The following ARHGAP22 variants were observed in gnomAD, a reference collection of about 807,000 sequenced individuals.
ARHGAP22 encodes the protein rho GTPase-activating protein 22.
A neutral mutation model predicts 59.1 loss-of-function variants in ARHGAP22; 48 were observed. The ratio of observed to expected loss-of-function variants is 0.81; its 90% CI spans 0.64 to 1.03. The LOEUF (loss-of-function observed/expected upper bound fraction) is 1.03. Ranked by LOEUF, ARHGAP22 falls within the 50% of genes least tolerant of loss-of-function variation. The pLI is 0.00. For synonymous variants in ARHGAP22, 445 were observed against 416.4 expected (o/e 1.07, Z -0.84); for missense variants, 1,015 against 958.7 (o/e 1.06, Z -0.78).
chr10:48,546,408 C>T (rs2056439357), intron 3 of ARHGAP22: 1 of 153,350 alleles, frequency 6.5e-6, no homozygotes, highest in Non-Finnish European at 1.5e-5. Context: ...GCACATGGAG[C>T]TTTTACTTGG....
chr10:48,549,491 G>A (rs1268316021), intron 3 of ARHGAP22, among the ~76,000 whole-genome samples: 1 of 152,076 alleles, frequency 6.6e-6, no homozygotes, highest in Non-Finnish European at 1.5e-5. Flanking sequence ...ATTGCTGGGG[G>A]CAGGGTGACC....
chr10:48,590,935 A>C (rs2059715079), intron 1 of ARHGAP22, among the ~76,000 whole-genome samples: 1 of 152,138 alleles, frequency 6.6e-6, no homozygotes, highest in South Asian at 2.1e-4. Flanking sequence ...GGCAGTGAAT[A>C]ATTTCACTTA....
chr10:48,477,581 C>T (rs941983308), intron 4 of ARHGAP22, among the ~76,000 whole-genome samples: 5 of 152,250 alleles, frequency 3.3e-5, no homozygotes, highest in African/African-American at 1.2e-4. Context: ...GCAGACACTG[C>T]TGATTTCCCT....
At chr10:48,628,707 G>T (rs569769723) in intron 1 of ARHGAP22, among the ~76,000 whole-genome samples, 38 of 152,314 alleles carry the variant, frequency 2.5e-4, no homozygotes, top group African/African-American at 8.7e-4. Flanking sequence ...TATAGTCAAA[G>T]TATATTAAAC....
chr10:48,496,268 T>A (rs556468021), intron 3 of ARHGAP22, among the ~76,000 whole-genome samples: 158 of 152,168 alleles, frequency 1.0e-3, no homozygotes, highest in African/African-American at 3.7e-3. Flanking sequence ...ACAGTGGGGC[T>A]CTGGTGGTAT....
At chr10:48,575,242 G>A (rs1308727958) in intron 2 of ARHGAP22, 1 of 152,026 alleles carries the variant, frequency 6.6e-6, no homozygotes, top group East Asian at 1.9e-4. Flanking sequence ...GCAGAACAAT[G>A]AGCCAATTAA....
At chr10:48,577,045 T>A (rs2058760741) in intron 2 of ARHGAP22, among the ~76,000 whole-genome samples, 1 of 152,132 alleles carries the variant, frequency 6.6e-6, no homozygotes, top group Non-Finnish European at 1.5e-5. Context: ...AAGACTCTTT[T>A]TCCTTCATTT....
chr10:48,600,791 G>C (rs1318348274), intron 1 of ARHGAP22, among the ~76,000 whole-genome samples: 1 of 152,172 alleles, frequency 6.6e-6, no homozygotes, highest in Non-Finnish European at 1.5e-5. Flanking sequence ...AGGATGTCCA[G>C]GCTTGGGCAC....
At chr10:48,494,464 T>C (rs2050720873) in intron 3 of ARHGAP22, among the ~76,000 whole-genome samples, 1 of 152,224 alleles carries the variant, frequency 6.6e-6, no homozygotes, top group Admixed American at 6.5e-5. Flanking sequence ...CACCAAACTT[T>C]GCTCAGTAAG....
At chr10:48,458,884 G>C (rs1244424647) in intron 5 of ARHGAP22, among the ~76,000 whole-genome samples, 1 of 152,160 alleles carries the variant, frequency 6.6e-6, no homozygotes, top group Non-Finnish European at 1.5e-5. Context: ...ACCCTCCCCT[G>C]GCTGCAGTGA....
Position 48,456,342 on chromosome 10 carries a change from CAT to C in ARHGAP22, c.660-1210_660-1209del, listed in dbSNP as rs554151108. 1.3e-3 allele frequency among the ~76,000 whole-genome samples: 193 copies of C among 152,274 alleles called. 2 individuals carry two copies. The highest frequency in any genetic ancestry group is 4.6e-3 in the African/African-American group (190 of 41,558). On this transcript the variant is annotated intron_variant, in intron 5 of 9. Coordinates refer to ENST00000249601, the MANE Select transcript of ARHGAP22 (RefSeq NM_021226.4). ...CATGTATCCATATGCACCCCAAATCCATATACCTGGGGCCCCTCCTTGCCTGA... is the reference window on the plus strand; with the variant it reads ...CATGTATCCATATGCACCCCAAATCCATACCTGGGGCCCCTCCTTGCCTGA...
At chr10:48,652,163 C>T in intron 1 of ARHGAP22, 2 of 1,418,404 alleles carry the variant, frequency 1.4e-6, no homozygotes, top group Non-Finnish European at 1.9e-6. Flanking sequence ...CCTCCGGGGA[C>T]CCCATCCCTC....
chr10:48,594,681 G>A (rs1463498298), intron 1 of ARHGAP22, among the ~76,000 whole-genome samples: 1 of 152,120 alleles, frequency 6.6e-6, no homozygotes, highest in African/African-American at 2.4e-5. Context: ...CCCATGTACT[G>A]GGAAGACTGG....
intron 1 of ARHGAP22, among the ~76,000 whole-genome samples, chr10:48,594,631 G>A (rs2059956857): frequency 6.6e-6 from 1 of 152,134 alleles, no homozygotes; most frequent in Admixed American, 6.5e-5. Flanking sequence ...TTGCTGACAG[G>A]TTTTGGAAGA....
At chr10:48,459,584 C>T (rs954706271) in intron 5 of ARHGAP22, 100 bp downstream of exon 5, 84 of 1,365,730 alleles carry the variant, frequency 6.2e-5, no homozygotes, top group Admixed American at 2.8e-4. Flanking sequence ...ACCATCCTGT[C>T]GCTAGCCCAC....
chr10:48,496,472 AG>A (rs1476475809), intron 3 of ARHGAP22, among the ~76,000 whole-genome samples: 1 of 152,204 alleles, frequency 6.6e-6, no homozygotes, highest in Non-Finnish European at 1.5e-5. Flanking sequence ...AAAGAAACTG[AG>A]GCTCAGAGAG....
At chr10:48,607,389 G>A (rs534263479), upstream of ARHGAP22, among the ~76,000 whole-genome samples, 1 of 152,322 alleles carries the variant, frequency 6.6e-6, no homozygotes, top group East Asian at 1.9e-4. Flanking sequence ...GGGGAATGGG[G>A]CAGGTGGGCA....
intron 3 of ARHGAP22, among the ~76,000 whole-genome samples, chr10:48,504,873 A>G (rs2051922890): frequency 6.6e-6 from 1 of 151,828 alleles, no homozygotes; most frequent in Non-Finnish European, 1.5e-5. Flanking sequence ...GTGAGCTGAG[A>G]GAGGGGGTGG....
At chr10:48,635,816 T>C (rs146319354) in intron 1 of ARHGAP22, among the ~76,000 whole-genome samples, 241 of 152,336 alleles carry the variant, frequency 1.6e-3, no homozygotes, top group African/African-American at 4.7e-3. Flanking sequence ...GCTCTGCTAT[T>C]GGACAACATA....
Sources: allele counts gnomAD v4.1 joint callset (sites outside exome capture counted in the v4.1 genomes callset), GRCh38; gene constraint gnomAD v4.1.1; transcripts MANE v1.5; gene names NCBI Gene and HGNC (gene_info 2026-07-23, HGNC 2026-07-21).